Variants in SLIT3 observed in about 807,000 individuals in gnomAD.
SLIT3 encodes slit homolog 3 protein.
In SLIT3, 68 loss-of-function variants were observed where a neutral mutation model predicts 184.0. The ratio of observed to expected loss-of-function variants is 0.37; its 90% CI spans 0.30 to 0.45. The LOEUF (loss-of-function observed/expected upper bound fraction) is 0.45. Among genes scored for constraint, SLIT3 ranks in the 20% least tolerant of loss-of-function variants. The pLI, the probability that SLIT3 is intolerant of heterozygous loss-of-function variation, is 1.00. For synonymous variants in SLIT3, 831 were observed against 828.6 expected, an observed-to-expected ratio of 1.00 and a Z score of -0.05; for missense variants, 1,707 against 2,026.0, an observed-to-expected ratio of 0.84 and a Z score of 3.02.
chr5:169,163,054 G>A (rs1762527054), intron 4 of SLIT3, among the ~76,000 whole-genome samples: 1 of 152,148 alleles, frequency 6.6e-6, no homozygotes, highest in Non-Finnish European at 1.5e-5. Context: ...TGGGCACGGT[G>A]GCTCACGCTT....
In SLIT3 at chr5:168,704,869, T is replaced by G. The variant is rs184824867; in HGVS notation, c.2844+3107A>C. Among the ~76,000 whole-genome samples, 17 of 152,282 alleles carry G rather than the reference T, an allele frequency of 1.1e-4. No homozygotes were observed. The East Asian group carries it at 3.3e-3, about 29-fold the overall frequency. ...TTTCTGTTAGCCACTCATGCAGAAC[T>G]ACCATCTTAGTCGCTCTGTTTGGGC... On this transcript the variant is annotated intron_variant, in intron 26 of 35. Coordinates refer to ENST00000519560, the MANE Select transcript of SLIT3 (RefSeq NM_003062.4).
chr5:168,933,016 C>T lies in SLIT3; in HGVS notation c.414-49680G>A, dbSNP rs1562013361. ...GCAAGCATACCAGGGAAAGAGAAAGCATTGCCAGCTTACAGAGGTGAACAA... is the reference window on the plus strand; with the variant it reads ...GCAAGCATACCAGGGAAAGAGAAAGTATTGCCAGCTTACAGAGGTGAACAA... On this transcript the variant is annotated intron_variant, in intron 4 of 35. Transcript: ENST00000519560. Among the ~76,000 whole-genome samples the T allele has an allele frequency of 1.3e-5, 2 of 152,198 alleles. 1 individual carries two copies. Among genetic ancestry groups the T allele is most frequent in the Non-Finnish European group, 2.9e-5 (2 of 68,048 alleles).
chr5:168,921,374 T>C (rs1049889100), intron 4 of SLIT3, among the ~76,000 whole-genome samples: 1 of 152,176 alleles, frequency 6.6e-6, no homozygotes, highest in Admixed American at 6.5e-5. Flanking sequence ...TAAAGATATA[T>C]GGGAGAAGCC....
chr5:169,060,842 C>T (rs1238788641), intron 4 of SLIT3, among the ~76,000 whole-genome samples: 1 of 152,152 alleles, frequency 6.6e-6, no homozygotes, highest in Non-Finnish European at 1.5e-5. Context: ...AATGGCTGTC[C>T]AAGTGCCTCT....
intron 4 of SLIT3, among the ~76,000 whole-genome samples, chr5:168,979,148 G>A (rs1018439114): frequency 1.3e-5 from 2 of 152,152 alleles, no homozygotes; most frequent in Non-Finnish European, 2.9e-5. Flanking sequence ...TCCTCTTTCC[G>A]CACAGCCCCA....
At position 168,664,417 on chromosome 5, in the gene SLIT3, C is replaced by G. The variant is rs1216093986; in HGVS notation, c.*2037G>C. On this transcript the variant is annotated 3_prime_UTR_variant, in exon 36 of 36. Transcript: ENST00000519560. ...AACAAAGCCATCATAAGGCACAGTA[C>G]CTGGAACATAATGGAGATTTACATG... 1.3e-5 allele frequency: 2 copies of G among 152,160 alleles called. No individual in the cohort carries two copies. Among genetic ancestry groups the G allele is most frequent in the Non-Finnish European group, 2.9e-5 (2 of 68,054 alleles). The allele number at this position is 152,160 out of a possible 1,614,324, so 9.4% of individuals were successfully genotyped here.
At chr5:168,855,679 T>C (rs1359016669) in intron 5 of SLIT3, among the ~76,000 whole-genome samples, 2 of 152,128 alleles carry the variant, frequency 1.3e-5, no homozygotes, top group Non-Finnish European at 2.9e-5. Flanking sequence ...GGTAAATTCA[T>C]AGAAACAGAA....
At chr5:168,853,044 T>C (rs748064852) in intron 5 of SLIT3, among the ~76,000 whole-genome samples, 41 of 152,238 alleles carry the variant, frequency 2.7e-4, no homozygotes, top group Admixed American at 2.2e-3. Context: ...AACATTCTTG[T>C]TCATCTAACT....
At chr5:169,069,255 C>G (rs774385159) in intron 4 of SLIT3, among the ~76,000 whole-genome samples, 3 of 152,208 alleles carry the variant, frequency 2.0e-5, no homozygotes, top group African/African-American at 7.2e-5. Flanking sequence ...CTCCAGAGAC[C>G]GTCCATTGCT....
intron 5 of SLIT3, among the ~76,000 whole-genome samples, chr5:168,874,831 G>A (rs534364580): frequency 2.0e-5 from 3 of 152,126 alleles, no homozygotes; most frequent in Non-Finnish European, 2.9e-5. Flanking sequence ...GGTATTTATC[G>A]AGCACTTATG....
At chr5:168,799,611 C>A (rs553699636) in intron 9 of SLIT3, among the ~76,000 whole-genome samples, 2 of 152,258 alleles carry the variant, frequency 1.3e-5, no homozygotes, top group South Asian at 2.1e-4. Flanking sequence ...TGCCAGGGAG[C>A]CTGGCAGGGG....
chr5:169,282,301 G>T (rs1343232601), intron 1 of SLIT3, among the ~76,000 whole-genome samples: 1 of 152,158 alleles, frequency 6.6e-6, no homozygotes, highest in South Asian at 2.1e-4. Flanking sequence ...AGATGCACAG[G>T]TCAGAAAATA....
At chr5:169,200,267 C>T (rs533346699) in intron 3 of SLIT3, among the ~76,000 whole-genome samples, 5 of 152,184 alleles carry the variant, frequency 3.3e-5, no homozygotes, top group African/African-American at 1.2e-4. Context: ...CAATCAGGCC[C>T]GAGGGAGGAA....
At chr5:169,089,770 C>G (rs1033081275) in intron 4 of SLIT3, among the ~76,000 whole-genome samples, 8 of 152,222 alleles carry the variant, frequency 5.3e-5, no homozygotes, top group African/African-American at 1.9e-4. Flanking sequence ...CCTTCACACA[C>G]TTGCCAGTGT....
At chr5:168,827,663 A>G (rs1324510675) in intron 6 of SLIT3, among the ~76,000 whole-genome samples, 3 of 152,162 alleles carry the variant, frequency 2.0e-5, no homozygotes, top group African/African-American at 7.2e-5. Flanking sequence ...GTAAGACAAC[A>G]TTCATAGGTT....
chr5:169,211,220 G>A (rs1460166145), intron 3 of SLIT3, among the ~76,000 whole-genome samples: 1 of 151,986 alleles, frequency 6.6e-6, no homozygotes, highest in Non-Finnish European at 1.5e-5. Context: ...GTAAGCCGCT[G>A]AGATTCTGAG....
intron 4 of SLIT3, among the ~76,000 whole-genome samples, chr5:169,040,079 G>A (rs1415563996): frequency 6.6e-6 from 1 of 152,138 alleles, no homozygotes; most frequent in Non-Finnish European, 1.5e-5. Flanking sequence ...GATATAAACA[G>A]TTTAACTTGG....
At chr5:169,258,691 A>C (rs1766062888) in intron 1 of SLIT3, among the ~76,000 whole-genome samples, 1 of 152,244 alleles carries the variant, frequency 6.6e-6, no homozygotes, top group Non-Finnish European at 1.5e-5. Flanking sequence ...GGGAGAAAGA[A>C]GAATTCAGAA....
chr5:168,966,452 A>G (rs925411262), intron 4 of SLIT3, among the ~76,000 whole-genome samples: 1 of 151,914 alleles, frequency 6.6e-6, no homozygotes, highest in Non-Finnish European at 1.5e-5. Flanking sequence ...GAGGTATGAG[A>G]CTGAAAGAGA....
Sources: gnomAD v4.1 joint callset for allele counts (sites outside exome capture counted in the v4.1 genomes callset) on GRCh38, gnomAD v4.1.1 for gene constraint, MANE v1.5 for transcripts, NCBI Gene and HGNC (gene_info 2026-07-23, HGNC 2026-07-21) for gene names.